Variants in ABCD2 observed in about 807,000 individuals in gnomAD.
The protein encoded by ABCD2 is ATP-binding cassette sub-family D member 2.
A neutral mutation model predicts 70.9 loss-of-function variants in ABCD2; 36 were observed. The observed-to-expected ratio is 0.51, with a 90% CI of 0.39 to 0.67. ABCD2 has a LOEUF of 0.67. Ranked by LOEUF, ABCD2 falls within the 30% of genes least tolerant of loss-of-function variation. The probability of loss-of-function intolerance (pLI) is 0.00; values close to 1 mark genes in which losing one functional copy is unlikely to be tolerated. For synonymous variants in ABCD2, 304 were observed against 306.9 expected, an observed-to-expected ratio of 0.99 and a Z score of 0.10; for missense variants, 729 against 890.2, an observed-to-expected ratio of 0.82 and a Z score of 2.30.
the ABCD2 span, among the ~76,000 whole-genome samples, chr12:39,532,902 G>A: frequency 6.6e-6 from 1 of 152,152 alleles, no homozygotes; most frequent in Non-Finnish European, 1.5e-5. Context: ...GCTCACGCCT[G>A]TAATCCCAGC....
the ABCD2 span, among the ~76,000 whole-genome samples, chr12:39,534,701 C>CGGAAGGAAGGAAGGAAGGAA: frequency 3.3e-3 from 363 of 111,188 alleles, 19 homozygotes; most frequent in African/African-American, 0.012. Context: ...GAAGGAAGGA[C>CGGAAGGAAGGAAGGAAGGAA]GGAAGGAAGG....
the ABCD2 span, among the ~76,000 whole-genome samples, chr12:39,536,637 A>C: frequency 6.6e-6 from 1 of 152,274 alleles, no homozygotes; most frequent in South Asian, 2.1e-4. Flanking sequence ...TGTTAAACAG[A>C]TATTTGTTTA....
chr12:39,558,381 T>C (rs1485876294), intron 9 of ABCD2, among the ~76,000 whole-genome samples: 1 of 152,138 alleles, frequency 6.6e-6, no homozygotes, highest in Non-Finnish European at 1.5e-5. Context: ...TGGAAGGGCA[T>C]GATTATGTTT....
At chr12:39,575,894 A>G (rs1941509758) in intron 8 of ABCD2, among the ~76,000 whole-genome samples, 1 of 152,232 alleles carries the variant, frequency 6.6e-6, no homozygotes, top group Admixed American at 6.5e-5. Flanking sequence ...TTAGTTACAC[A>G]AACACCAAGT....
intron 6 of ABCD2, among the ~76,000 whole-genome samples, chr12:39,593,440 C>T (rs552538643): frequency 2.6e-5 from 4 of 152,056 alleles, no homozygotes; most frequent in South Asian, 2.1e-4. Flanking sequence ...TTTGTATTGA[C>T]GGGGTCCCCC....
intron 5 of ABCD2, among the ~76,000 whole-genome samples, chr12:39,601,478 T>C (rs1031689453): frequency 3.3e-5 from 5 of 151,980 alleles, no homozygotes; most frequent in African/African-American, 1.2e-4. Context: ...ATTATTGACA[T>C]TTAAACTGTT....
chr12:39,562,985 C>CA (rs1404880146), intron 9 of ABCD2, among the ~76,000 whole-genome samples: 1 of 152,106 alleles, frequency 6.6e-6, no homozygotes, highest in Middle Eastern at 3.2e-3. Context: ...GGAATTCATC[C>CA]TGGAGATGCA....
At chr12:39,601,974 G>A (rs1424892901) in intron 5 of ABCD2, among the ~76,000 whole-genome samples, 1 of 151,706 alleles carries the variant, frequency 6.6e-6, no homozygotes, top group Non-Finnish European at 1.5e-5. Context: ...TCTCTATTAG[G>A]CATTCTCAGA....
At chr12:39,610,411 A>G (rs868861967) in intron 2 of ABCD2, among the ~76,000 whole-genome samples, 1 of 152,164 alleles carries the variant, frequency 6.6e-6, no homozygotes, top group Middle Eastern at 3.2e-3. Context: ...AAAAGATGTG[A>G]TTACATAAAT....
chr12:39,600,642 A>T lies in ABCD2; in HGVS notation c.1575T>A (p.Ser525Arg). Residue 525 changes from serine to arginine, a missense_variant, in exon 6 of 10, where the codon AGT (serine) becomes AGA (arginine). Coordinates refer to ENST00000308666, the MANE Select transcript of ABCD2 (RefSeq NM_005164.4). Reference sequence around the variant, plus strand: ...CTCCTTCATACACAGGCCAGAGCCCACTTAGAATTCTGAAGAGAGAACTTT... The same window carrying T: ...CTCCTTCATACACAGGCCAGAGCCCTCTTAGAATTCTGAAGAGAGAACTTT... ...CGKSSLFRILSGLWPVYEGVL... is the reference protein window; with the variant it reads ...CGKSSLFRILRGLWPVYEGVL... The T allele has an allele frequency of 6.2e-7, 1 of 1,612,968 alleles. No individual in the cohort carries two copies. Among genetic ancestry groups the T allele is most frequent in the Non-Finnish European group, 8.5e-7 (1 of 1,179,324 alleles).
chr12:39,531,270 G>A, the ABCD2 span, among the ~76,000 whole-genome samples: 1 of 152,122 alleles, frequency 6.6e-6, no homozygotes, highest in Non-Finnish European at 1.5e-5. Context: ...TGGTTTGAAT[G>A]TTCATGTTCC....
intron 6 of ABCD2, among the ~76,000 whole-genome samples, chr12:39,597,730 A>G (rs1407216730): frequency 1.3e-5 from 2 of 152,328 alleles, no homozygotes; most frequent in East Asian, 3.9e-4. Context: ...CCATAGATTT[A>G]GAATGGTTAA....
chr12:39,614,577 A>T, intron 2 of ABCD2, among the ~76,000 whole-genome samples: 1 of 151,548 alleles, frequency 6.6e-6, no homozygotes. Flanking sequence ...TAAAATATAT[A>T]AAGCATCATG....
downstream of ABCD2, among the ~76,000 whole-genome samples, chr12:39,549,823 G>A (rs550534587): frequency 6.6e-6 from 1 of 151,950 alleles, no homozygotes; most frequent in East Asian, 1.9e-4. Flanking sequence ...TTTGGGTATT[G>A]TATGAGGTTG....
chr12:39,605,016 C>G, intron 3 of ABCD2, 86 bp from the exon 4 acceptor site: 1 of 1,135,428 alleles, frequency 8.8e-7, no homozygotes, highest in Non-Finnish European at 1.2e-6. Flanking sequence ...AGCTTCTTGA[C>G]TTAATGTAAA....
At chr12:39,537,923 A>G in the ABCD2 span, among the ~76,000 whole-genome samples, 5 of 152,238 alleles carry the variant, frequency 3.3e-5, no homozygotes, top group African/African-American at 1.2e-4. Context: ...AATATTACAG[A>G]TGAATCAGAA....
In ABCD2 at chr12:39,552,167, A is replaced by G. The variant is rs970522940; in HGVS notation, c.*1745T>C. ...GGACAAATGTACTGATTATAATTTT[A>G]TATTGCATTCCTTCATGTAAGTTGG... is the stretch of plus-strand genomic sequence containing the variant. On this transcript the variant is annotated 3_prime_UTR_variant, in exon 10 of 10. Transcript: ENST00000308666. 1.3e-5 allele frequency: 2 copies of G among 151,968 alleles called. No individual in the cohort carries two copies. Among genetic ancestry groups the G allele is most frequent in the African/African-American group, 4.8e-5 (2 of 41,450 alleles). The allele number at this position is 151,968 out of a possible 1,614,324, so 9.4% of individuals were successfully genotyped here.
chr12:39,569,368 T>C (rs1941411962), intron 9 of ABCD2, among the ~76,000 whole-genome samples: 1 of 152,204 alleles, frequency 6.6e-6, no homozygotes, highest in African/African-American at 2.4e-5. Flanking sequence ...TGCAGTTTGA[T>C]CTCAGACTGC....
chr12:39,605,590 GCT>G (rs945460119), intron 3 of ABCD2, among the ~76,000 whole-genome samples: 50 of 152,100 alleles, frequency 3.3e-4, no homozygotes, highest in African/African-American at 1.1e-3. Context: ...AGTCCACAAA[GCT>G]CAATGGAATG....
Sources: gnomAD v4.1 joint callset for allele counts (sites outside exome capture counted in the v4.1 genomes callset) on GRCh38, gnomAD v4.1.1 for gene constraint, MANE v1.5 for transcripts, NCBI Gene and HGNC (gene_info 2026-07-23, HGNC 2026-07-21) for gene names.